The following L1TD1 variants were observed in gnomAD, a reference collection of about 807,000 sequenced individuals.
The protein encoded by L1TD1 is LINE-1 type transposase domain-containing protein 1.
In L1TD1, 26 loss-of-function variants were observed where a neutral mutation model predicts 25.7. That is an observed-to-expected ratio of 1.01 (90% CI 0.74 to 1.40). The LOEUF (loss-of-function observed/expected upper bound fraction) is 1.40. L1TD1 is among the 40% of genes most tolerant of loss of function. The pLI, the probability that L1TD1 is intolerant of heterozygous loss-of-function variation, is 0.00. For missense variants in L1TD1, 1,130 were observed against 975.0 expected (o/e 1.16, Z -2.12); for synonymous variants, 421 against 335.6 (o/e 1.25, Z -2.78).
rs1441505006 is a variant in L1TD1, at chr1:62,206,808, A to C, written c.180A>C (p.Glu60Asp). The C allele has an allele frequency of 2.5e-6, 4 of 1,595,808 alleles. No individual in the cohort carries two copies. Among genetic ancestry groups the C allele is most frequent in the African/African-American group, 1.3e-5 (1 of 74,680 alleles). ...AIMNKFKVLM[E>D]IQDLMFEEMR... ...TGAATAAGTTTAAGGTCTTAATGGA[A>C]ATTCAAGACCTGATGTTTGAGGAGA... is the stretch of plus-strand genomic sequence containing the variant. Residue 60 changes from glutamate (E) to aspartate (D), a missense_variant, in exon 3 of 4, where the codon GAA becomes GAC. Physicochemically the swap from Glu to Asp is conservative, Grantham distance 45. Coordinates refer to ENST00000498273, the MANE Select transcript of L1TD1 (RefSeq NM_019079.5).
In L1TD1 at chr1:62,199,748, AAC is replaced by A. The variant is rs540192090; in HGVS notation, c.-111+3224_-111+3225del. 4.6e-3 allele frequency among the ~76,000 whole-genome samples: 696 copies of A among 152,268 alleles called. 8 individuals carry two copies. Among genetic ancestry groups the A allele is most frequent in the South Asian group, 0.032 (155 of 4,828 alleles). ...ATGTACTATAGAGTGACTCTTGGAA[AAC>A]ACATTACCCAAAAAAGGTAGTGTTA... On this transcript the variant is annotated intron_variant, in intron 2 of 3. Transcript: ENST00000498273.
At position 62,211,160 on chromosome 1, in the gene L1TD1, T is replaced by C; in HGVS notation, c.2386T>C (p.Leu796=). ...AACAAGAATCAGGTTGACAGCAGAC[T>C]TATCACTGGACACACTGGATGCTAG... ...QGTRIRLTAD[L]SLDTLDARSK... Residue 796 remains leucine (L), a synonymous_variant, in exon 4 of 4, where the codon TTA becomes CTA. Transcript: ENST00000498273. The C allele has an allele frequency of 6.4e-7, 1 of 1,550,738 alleles. No individual in the cohort carries two copies. Among genetic ancestry groups the C allele is most frequent in the East Asian group, 2.4e-5 (1 of 40,912 alleles).
At chr1:62,209,340 G>T (rs74079019) in intron 3 of L1TD1, among the ~76,000 whole-genome samples, 1 of 145,946 alleles carries the variant, frequency 6.9e-6, no homozygotes, top group Admixed American at 7.0e-5. Flanking sequence ...AAAGGTAAAT[G>T]TGAGCCTGGG....
intron 2 of L1TD1, among the ~76,000 whole-genome samples, chr1:62,198,651 A>G (rs1670588487): frequency 6.6e-6 from 1 of 152,076 alleles, no homozygotes; most frequent in African/African-American, 2.4e-5. Context: ...CAAATCAACA[A>G]GCTTTTTTCC....
At chr1:62,208,722 A>G (rs1480780994) in intron 3 of L1TD1, among the ~76,000 whole-genome samples, 1 of 152,092 alleles carries the variant, frequency 6.6e-6, no homozygotes, top group African/African-American at 2.4e-5. Context: ...CAAGCAGTCT[A>G]CATGCCTTGG....
Position 62,211,612 on chromosome 1 carries a change from A to C in L1TD1, c.*240A>C. 1 of 456,710 alleles carries C rather than the reference A, an allele frequency of 2.2e-6. No individual in the cohort carries two copies. The highest frequency in any genetic ancestry group is 3.4e-6 in the Non-Finnish European group (1 of 290,534). The allele number at this position is 456,710 out of a possible 1,614,324, so 28.3% of individuals were successfully genotyped here. On this transcript the variant is annotated 3_prime_UTR_variant, in exon 4 of 4. Coordinates refer to ENST00000498273, the MANE Select transcript of L1TD1 (RefSeq NM_019079.5). ...TTGATCACAGTCAGTTACAGATAGA[A>C]TTCCTTGTTTTACTTCCCCCCCACC...
intron 1 of L1TD1, among the ~76,000 whole-genome samples, chr1:62,195,928 T>A (rs1670528056): frequency 6.6e-6 from 1 of 151,528 alleles, no homozygotes; most frequent in Non-Finnish European, 1.5e-5. Flanking sequence ...TCCCAGCTAC[T>A]AGGGAGGCCG....
At chr1:62,198,008 C>T (rs993547504) in intron 2 of L1TD1, among the ~76,000 whole-genome samples, 5 of 151,280 alleles carry the variant, frequency 3.3e-5, no homozygotes, top group Non-Finnish European at 4.4e-5. Flanking sequence ...GTGAGGTGTG[C>T]ATATATAACT....
Position 62,211,533 on chromosome 1 carries a change from T to G in L1TD1, c.*161T>G. 1 of 1,236,356 alleles carries G rather than the reference T, an allele frequency of 8.1e-7. No individual in the cohort carries two copies. Among genetic ancestry groups the G allele is most frequent in the Non-Finnish European group, 1.1e-6 (1 of 927,608 alleles). 76.6% of individuals were successfully genotyped at this position (1,236,356 alleles called of 1,614,324 possible). A position where few individuals can be genotyped will look rare whatever the true frequency, so the allele number is the denominator to read the frequency against. Reference sequence around the variant, plus strand: ...ATTACAGATATTACCTAGATGTTAATAAAGGGTATGTTTAAAAAAAATAGG... The same window carrying G: ...ATTACAGATATTACCTAGATGTTAAGAAAGGGTATGTTTAAAAAAAATAGG... On this transcript the variant is annotated 3_prime_UTR_variant, in exon 4 of 4. Transcript: ENST00000498273.
Position 62,207,553 on chromosome 1 carries a change from G to C in L1TD1, c.925G>C (p.Val309Leu). 3 of 1,550,860 alleles carry C rather than the reference G, an allele frequency of 1.9e-6. No individual in the cohort carries two copies. The highest frequency in any genetic ancestry group is 2.6e-6 in the Non-Finnish European group (3 of 1,146,776). Residue 309 changes from valine to leucine, a missense_variant, in exon 3 of 4, where the codon GTG (valine) becomes CTG (leucine). Val to Leu is a conservative substitution (Grantham distance 32). Coordinates refer to ENST00000498273, the MANE Select transcript of L1TD1 (RefSeq NM_019079.5). ...AAAATTTGCCAGCCAAAAATCTTCT[G>C]TGAAAGAATTACTGAAAGATGTACT... ...LRKFASQKSS[V>L]KELLKDVLPQ...
rs1239183240 is a variant in L1TD1, at chr1:62,210,349, A to G, written c.1575A>G (p.Lys525=). ...ACTCTGGGAAGAAAAAGTTGGTGAA[A>G]CACCAGGTGGTGCACAAAACCCAGG... ...VGDSGKKKLV[K]HQVVHKTQEE... The change falls in exon 4 of 4, where the codon AAA becomes AAG. Residue 525 remains lysine (K), a synonymous_variant. Transcript: ENST00000498273. 1 of 1,613,796 alleles carries G rather than the reference A, an allele frequency of 6.2e-7. No homozygotes were observed. The highest frequency in any genetic ancestry group is 8.5e-7 in the Non-Finnish European group (1 of 1,179,984).
chr1:62,211,100 G>A lies in L1TD1; in HGVS notation c.2326G>A (p.Ala776Thr). The change falls in exon 4 of 4, where the codon GCT (alanine) becomes ACT (threonine). Residue 776 changes from alanine to threonine, a missense_variant. Physicochemically the swap from Ala to Thr is moderately conservative, Grantham distance 58. Transcript: ENST00000498273. The part of the protein sequence containing the change: ...NSSDKEKIIR[A>T]SRERREITYQ... ...TAGTGATAAAGAGAAAATAATAAGGGCTTCTAGAGAGAGAAGAGAAATTAC... is the reference window on the plus strand; with the variant it reads ...TAGTGATAAAGAGAAAATAATAAGGACTTCTAGAGAGAGAAGAGAAATTAC... 1 of 1,550,238 alleles carries A rather than the reference G, an allele frequency of 6.5e-7. No homozygotes were observed. Among genetic ancestry groups the A allele is most frequent in the Non-Finnish European group, 8.7e-7 (1 of 1,146,684 alleles).
At chr1:62,205,443 A>ATTTTTT (rs1261055805) in intron 2 of L1TD1, among the ~76,000 whole-genome samples, 1 of 63,662 alleles carries the variant, frequency 1.6e-5, no homozygotes, top group African/African-American at 5.6e-5. Context: ...ATATATATAT[A>ATTTTTT]TTTTTTTTTA....
rs1391732325 is a variant in L1TD1 at position 62,201,493 on chromosome 1, A to G, written c.-111+4965A>G. On this transcript the variant is annotated intron_variant, in intron 2 of 3. Coordinates refer to ENST00000498273, the MANE Select transcript of L1TD1 (RefSeq NM_019079.5). Reference sequence around the variant, plus strand: ...CCTCGGCGAGTGAGACCCTGCTTAAAAAAAAAAAAAAAAAAAAATTAGCAT... The same window carrying G: ...CCTCGGCGAGTGAGACCCTGCTTAAGAAAAAAAAAAAAAAAAAATTAGCAT... Among the ~76,000 whole-genome samples, 11 of 149,584 alleles carry G rather than the reference A, an allele frequency of 7.4e-5. No individual in the cohort carries two copies. In the South Asian group the frequency reaches 2.3e-3, roughly 31 times the overall value.
intron 3 of L1TD1, among the ~76,000 whole-genome samples, chr1:62,209,132 CA>C (rs1670808793): frequency 6.6e-6 from 1 of 152,220 alleles, no homozygotes; most frequent in Admixed American, 6.5e-5. Context: ...GTGATGCTGC[CA>C]TTAGACCCTG....
In L1TD1 at chr1:62,211,543, G is replaced by A. The variant is rs1055963834; in HGVS notation, c.*171G>A. On this transcript the variant is annotated 3_prime_UTR_variant, in exon 4 of 4. Coordinates refer to ENST00000498273, the MANE Select transcript of L1TD1 (RefSeq NM_019079.5). ...TTACCTAGATGTTAATAAAGGGTAT[G>A]TTTAAAAAAAATAGGCTGGTCTCAA... is the stretch of plus-strand genomic sequence containing the variant. The A allele has an allele frequency of 2.6e-6, 3 of 1,142,524 alleles. No individual in the cohort carries two copies. The highest frequency in any genetic ancestry group is 3.5e-6 in the Non-Finnish European group (3 of 853,110). The allele number at this position is 1,142,524 out of a possible 1,614,324, so 70.8% of individuals were successfully genotyped here. A position where few individuals can be genotyped will look rare whatever the true frequency, so the allele number is the denominator to read the frequency against.
Position 62,210,563 on chromosome 1 carries a change from C to G in L1TD1, c.1789C>G (p.Leu597Val). ...AACAGAAGAAAAGAAACACAGAACT[C>G]TGCACACAGAAGAACTAACATCCAA... Reference protein sequence around the residue: ...KKTEEKKHRTLHTEELTSKEA... With the variant: ...KKTEEKKHRTVHTEELTSKEA... Residue 597 changes from leucine (L) to valine (V), a missense_variant, in exon 4 of 4, where the codon CTG becomes GTG. Physicochemically the swap from Leu to Val is conservative, Grantham distance 32. Coordinates refer to ENST00000498273, the MANE Select transcript of L1TD1 (RefSeq NM_019079.5). 6.2e-7 allele frequency: 1 copy of G among 1,613,236 alleles called. No homozygotes were observed. The highest frequency in any genetic ancestry group is 8.5e-7 in the Non-Finnish European group (1 of 1,179,806).
At chr1:62,207,788 C>G in intron 3 of L1TD1, 152 bp downstream of exon 3, 2 of 971,426 alleles carry the variant, frequency 2.1e-6, no homozygotes, top group East Asian at 5.6e-5. Flanking sequence ...TCTCGGCTCG[C>G]TACAACCTCT....
chr1:62,207,132 C>G lies in L1TD1; in HGVS notation c.504C>G (p.Tyr168Ter). 6.3e-7 allele frequency: 1 copy of G among 1,586,134 alleles called. No individual in the cohort carries two copies. Among genetic ancestry groups the G allele is most frequent in the East Asian group, 2.3e-5 (1 of 44,130 alleles). Residue 168 changes from tyrosine to a stop codon, truncating the protein, a stop_gained, in exon 3 of 4, where the codon TAC becomes TAG. Coordinates refer to ENST00000498273, the MANE Select transcript of L1TD1 (RefSeq NM_019079.5). LOFTEE classifies it high-confidence loss of function. ...KKLPQGESRSYEVMGSMEETL... is the reference protein window; with the variant it reads ...KKLPQGESRS ...TACCCCAGGGTGAATCACGAAGTTA[C>G]GAAGTCATGGGAAGTATGGAAGAAA...
Sources: allele counts gnomAD v4.1 joint callset (sites outside exome capture counted in the v4.1 genomes callset), GRCh38; gene constraint gnomAD v4.1.1; transcripts MANE v1.5; gene names NCBI Gene and HGNC (gene_info 2026-07-23, HGNC 2026-07-21).